Variants in ABITRAM observed in about 807,000 individuals in gnomAD.
The protein encoded by ABITRAM is protein Abitram.
Under a neutral mutation model 22.9 loss-of-function variants are expected in ABITRAM, and 19 were observed. That is an observed-to-expected ratio of 0.83 (90% confidence interval 0.58 to 1.22). ABITRAM has a LOEUF of 1.22. Ranked by LOEUF, ABITRAM falls within the 50% of genes most tolerant of loss-of-function variation. The pLI is 0.00. For synonymous variants in ABITRAM, 70 were observed against 73.9 expected (o/e 0.95, Z 0.27); for missense variants, 215 against 220.2 (o/e 0.98, Z 0.15).
At chr9:108,943,544 G>A (rs1830309497), downstream of ABITRAM, among the ~76,000 whole-genome samples, 1 of 152,064 alleles carries the variant, frequency 6.6e-6, no homozygotes, top group East Asian at 1.9e-4. Context: ...TACTCTCTGG[G>A]GTCAGTTATG....
At chr9:108,938,975 T>G (rs1486796660) in intron 3 of ABITRAM, among the ~76,000 whole-genome samples, 1 of 152,236 alleles carries the variant, frequency 6.6e-6, no homozygotes, top group Non-Finnish European at 1.5e-5. Context: ...CCATTTATCA[T>G]GTGTCTTAGC....
intron 3 of ABITRAM, among the ~76,000 whole-genome samples, chr9:108,937,776 C>G (rs1830207100): frequency 6.6e-6 from 1 of 151,798 alleles, no homozygotes; most frequent in Admixed American, 6.6e-5. Flanking sequence ...TCACTTGAGG[C>G]CAGGAATTTG....
chr9:108,945,640 T>G (rs946336523), downstream of ABITRAM, among the ~76,000 whole-genome samples: 137 of 143,238 alleles, frequency 9.6e-4, 1 homozygote, highest in Admixed American at 8.7e-3. Flanking sequence ...TTTTTTTTTT[T>G]TTGTTTTGTT....
In ABITRAM at chr9:108,939,605, C is replaced by T. The variant is rs1401881717; in HGVS notation, c.465C>T (p.Ser155=). 1.2e-6 allele frequency: 2 copies of T among 1,613,708 alleles called. No individual in the cohort carries two copies. The highest frequency in any genetic ancestry group is 2.7e-5 in the African/African-American group (2 of 74,836). Residue 155 remains serine, a synonymous_variant, in exon 6 of 6, where the codon AGC becomes AGT. Transcript: ENST00000322940. The part of the protein sequence containing the change: ...VVLPKFEESK[S]ITEGLLTQKQ... Reference sequence around the variant, plus strand: ...TACCCAAATTTGAAGAAAGTAAAAGCATAACAGAAGGGTTACTGACACAAA... The same window carrying T: ...TACCCAAATTTGAAGAAAGTAAAAGTATAACAGAAGGGTTACTGACACAAA...
downstream of ABITRAM, chr9:108,944,039 C>T: frequency 1.9e-6 from 3 of 1,608,380 alleles, no homozygotes; most frequent in Non-Finnish European, 2.6e-6. Flanking sequence ...GAGAAAACAC[C>T]ACTATTTTAG....
chr9:108,944,080 A>G (rs1830328230), downstream of ABITRAM: 1 of 1,394,362 alleles, frequency 7.2e-7, no homozygotes, highest in Non-Finnish European at 9.9e-7. Context: ...GGTAAGAAAT[A>G]TACTTACTAA....
In ABITRAM at chr9:108,939,614, A is replaced by G. The variant is rs1830232165; in HGVS notation, c.474A>G (p.Glu158=). ...TTGAAGAAAGTAAAAGCATAACAGA[A>G]GGGTTACTGACACAAAAACAATATG... is the stretch of plus-strand genomic sequence containing the variant. ...PKFEESKSIT[E]GLLTQKQYEE... is the part of the protein sequence containing the mutation. The change falls in exon 6 of 6, where the codon GAA becomes GAG. Residue 158 remains glutamate, a synonymous_variant. Transcript: ENST00000322940. 5 of 1,614,054 alleles carry G rather than the reference A, an allele frequency of 3.1e-6. No homozygotes were observed. The Admixed American group carries it at 8.3e-5, about 27-fold the overall frequency.
At position 108,936,456 on chromosome 9, in the gene ABITRAM, G is replaced by C; in HGVS notation, c.261+19G>C. 6.2e-7 allele frequency: 1 copy of C among 1,610,516 alleles called. No individual in the cohort carries two copies. ...TAAGCGGGTATGTTCCTGTAATTCTGTGATTATCTACTTACATCCTCTATA... is the reference window on the plus strand; with the variant it reads ...TAAGCGGGTATGTTCCTGTAATTCTCTGATTATCTACTTACATCCTCTATA... On this transcript the variant is annotated intron_variant, in intron 3 of 5. Coordinates refer to ENST00000322940, the MANE Select transcript of ABITRAM (RefSeq NM_017832.4).
chr9:108,937,228 T>C (rs975028011), intron 3 of ABITRAM, among the ~76,000 whole-genome samples: 3 of 152,114 alleles, frequency 2.0e-5, no homozygotes, highest in Non-Finnish European at 1.5e-5. Flanking sequence ...GTTTTTCCAT[T>C]CCTAAAGCAT....
intron 3 of ABITRAM, among the ~76,000 whole-genome samples, chr9:108,947,949 A>G (rs1587941671): frequency 6.6e-6 from 1 of 152,182 alleles, no homozygotes; most frequent in South Asian, 2.1e-4. Flanking sequence ...ACTACCAACA[A>G]AGCCCATTCT....
intron 3 of ABITRAM, among the ~76,000 whole-genome samples, chr9:108,946,917 G>GA (rs900638269): frequency 8.2e-5 from 12 of 145,490 alleles, no homozygotes; most frequent in Admixed American, 2.7e-4. Context: ...GGGCCAAACT[G>GA]AAAAAAAAAA....
At chr9:108,950,584 C>T (rs1459877406) in exon 4 of ABITRAM, 1 of 1,550,202 alleles carries the variant, frequency 6.5e-7, no homozygotes, top group East Asian at 2.4e-5. Context: ...TGCATCTTCC[C>T]CACTCTTAAT....
At chr9:108,950,689 C>T in exon 4 of ABITRAM, 4 of 1,450,710 alleles carry the variant, frequency 2.8e-6, no homozygotes, top group Non-Finnish European at 3.7e-6. Flanking sequence ...GGTGGATGCT[C>T]ATCTTTTCAG....
Position 108,948,923 on chromosome 9 carries a change from A to T in ABITRAM, c.262-1584A>T, listed in dbSNP as rs28361173. ...GCCACTTAGGAGATGTGAACATATC[A>T]TTCCTGTTCTCCAGTAAACCGTCAT... On this transcript the variant is annotated intron_variant, in intron 3 of 3. Coordinates refer to the ABITRAM transcript ENST00000374624. Among the ~76,000 whole-genome samples the T allele has an allele frequency of 6.8e-4, 104 of 152,350 alleles. 3 individuals carry two copies. The South Asian group carries it at 0.021, about 31-fold the overall frequency.
At chr9:108,948,808 T>G (rs1446217104) in intron 3 of ABITRAM, among the ~76,000 whole-genome samples, 1 of 151,930 alleles carries the variant, frequency 6.6e-6, no homozygotes, top group Non-Finnish European at 1.5e-5. Context: ...AAATGAAAAG[T>G]AAATTACAAT....
chr9:108,936,260 A>C (rs760934146), intron 2 of ABITRAM, 48 bp from the exon 3 acceptor site: 2 of 1,589,724 alleles, frequency 1.3e-6, no homozygotes, highest in South Asian at 2.3e-5. Flanking sequence ...TTATGGGAGG[A>C]AAAATTATTC....
chr9:108,943,990 G>A, downstream of ABITRAM: 1 of 1,613,864 alleles, frequency 6.2e-7, no homozygotes, highest in African/African-American at 1.3e-5. Context: ...AACACTGGAA[G>A]TAAGCTTTAA....
chr9:108,936,749 A>G (rs1487415390), intron 3 of ABITRAM, among the ~76,000 whole-genome samples: 1 of 152,174 alleles, frequency 6.6e-6, no homozygotes, highest in Admixed American at 6.5e-5. Flanking sequence ...TGTCCCTTCT[A>G]GTTGTATTAA....
chr9:108,948,288 G>T, intron 3 of ABITRAM: 2 of 1,539,658 alleles, frequency 1.3e-6, no homozygotes, highest in Admixed American at 1.9e-5. Flanking sequence ...CCTGAAAATT[G>T]ACTTTATAAT....
Sources: allele counts gnomAD v4.1 joint callset (sites outside exome capture counted in the v4.1 genomes callset), GRCh38; gene constraint gnomAD v4.1.1; transcripts MANE v1.5; gene names NCBI Gene and HGNC (gene_info 2026-07-23, HGNC 2026-07-21).